The following ARFGAP3 variants were observed in gnomAD, a reference collection of about 807,000 sequenced individuals.
ARFGAP3 encodes the protein ARF GTPase activating protein 3, also known as ADP-ribosylation factor GTPase-activating protein 3.
A neutral mutation model predicts 75.0 loss-of-function variants in ARFGAP3; 72 were observed. That is an observed-to-expected ratio of 0.96 (90% CI 0.79 to 1.17). ARFGAP3 has a LOEUF of 1.17. ARFGAP3 is among the 50% of genes most tolerant of loss of function. ARFGAP3 has a pLI of 0.00. For missense variants in ARFGAP3, 620 were observed against 626.6 expected (o/e 0.99, Z 0.11); for synonymous variants, 221 against 217.9 (o/e 1.01, Z -0.13).
At chr22:42,816,554 G>A (rs1186702559) in intron 11 of ARFGAP3, among the ~76,000 whole-genome samples, 1 of 152,144 alleles carries the variant, frequency 6.6e-6, no homozygotes, top group African/African-American at 2.4e-5. Flanking sequence ...GCTCTGGCAG[G>A]CCACTTGACC....
At position 42,823,707 on chromosome 22, in the gene ARFGAP3, CA is replaced by C. The variant is rs751223931; in HGVS notation, c.626-6del. ...TTTTTATGATAGAGGATACCTCTGC[CA>C]AAAAATAAAAATTAAAAAGTAAGAC... On this transcript the variant is annotated splice_region_variant and splice_polypyrimidine_tract_variant and intron_variant, in intron 7 of 15. Transcript: ENST00000263245. 29 of 1,555,178 alleles carry C rather than the reference CA, an allele frequency of 1.9e-5. No homozygotes were observed. The highest frequency in any genetic ancestry group is 3.9e-5 in the Admixed American group (2 of 51,720).
rs1250785877 is a variant in ARFGAP3, at chr22:42,826,792, C to A, written c.625+148G>T. 5 of 554,238 alleles carry A rather than the reference C, an allele frequency of 9.0e-6. No homozygotes were observed. The East Asian group carries it at 1.5e-4, about 17-fold the overall frequency. 34.3% of individuals were successfully genotyped at this position (554,238 alleles called of 1,614,324 possible). On this transcript the variant is annotated intron_variant, in intron 7 of 15. Transcript: ENST00000263245. Reference sequence around the variant, plus strand: ...AATAAAAAACATATATATATAGTATCTTTTGTTTAATAAAATCTTATTAAC... The same window carrying A: ...AATAAAAAACATATATATATAGTATATTTTGTTTAATAAAATCTTATTAAC...
intron 8 of ARFGAP3, 96 bp from the exon 9 acceptor site, chr22:42,822,505 G>A: frequency 7.0e-7 from 1 of 1,435,956 alleles, no homozygotes. Flanking sequence ...GCCAGGCACT[G>A]TGACAAGCAC....
At chr22:42,797,665 G>A (rs910943783) in intron 15 of ARFGAP3, 60 bp from the exon 16 acceptor site, 22 of 1,613,642 alleles carry the variant, frequency 1.4e-5, no homozygotes, top group Non-Finnish European at 1.8e-5. Context: ...TGACTCCCAC[G>A]CCCTGAATAT....
chr22:42,837,042 C>T (rs5751382), intron 3 of ARFGAP3, among the ~76,000 whole-genome samples: 2 of 152,208 alleles, frequency 1.3e-5, no homozygotes, highest in Non-Finnish European at 2.9e-5. Flanking sequence ...AAGCTCCTTT[C>T]TGGAGTTTGG....
chr22:42,826,823 C>T (rs956566367), intron 7 of ARFGAP3, 117 bp downstream of exon 7: 5 of 657,548 alleles, frequency 7.6e-6, no homozygotes, highest in East Asian at 2.9e-5. Flanking sequence ...TTAACAGATT[C>T]GGTCATGATT....
At chr22:42,802,372 G>T (rs1336894227) in intron 14 of ARFGAP3, among the ~76,000 whole-genome samples, 1 of 147,392 alleles carries the variant, frequency 6.8e-6, no homozygotes, top group Non-Finnish European at 1.5e-5. Context: ...TGCAAGCTCC[G>T]CCTCCCAGGT....
chr22:42,840,059 T>C (rs559629304), intron 3 of ARFGAP3, among the ~76,000 whole-genome samples: 1 of 152,070 alleles, frequency 6.6e-6, no homozygotes, highest in South Asian at 2.1e-4. Flanking sequence ...GCCTCCCGAG[T>C]AGCTGGGACT....
chr22:42,834,226 G>A lies in ARFGAP3; in HGVS notation c.477+16C>T, dbSNP rs200243739. ...GAGTAAGCACACTTTAAAATGATGT[G>A]AAGCATAATACATACCTCAGGAGAA... is the stretch of plus-strand genomic sequence containing the variant. On this transcript the variant is annotated intron_variant, in intron 5 of 15. Coordinates refer to ENST00000263245, the MANE Select transcript of ARFGAP3 (RefSeq NM_014570.5). The A allele has an allele frequency of 7.0e-4, 1,127 of 1,607,882 alleles. 2 individuals are homozygous for A. Among genetic ancestry groups the A allele is most frequent in the Non-Finnish European group, 9.3e-4 (1,097 of 1,177,256 alleles).
At chr22:42,857,089 G>A in intron 1 of ARFGAP3, 25 bp downstream of exon 1, 1 of 1,501,380 alleles carries the variant, frequency 6.7e-7, no homozygotes, top group Non-Finnish European at 8.9e-7. Context: ...TGCCAGGCAG[G>A]CCCGCACTCG....
chr22:42,818,581 A>G (rs924885582), intron 9 of ARFGAP3, among the ~76,000 whole-genome samples: 2 of 152,178 alleles, frequency 1.3e-5, no homozygotes, highest in Non-Finnish European at 2.9e-5. Flanking sequence ...TTAATTTTTC[A>G]TAAAGAAAAC....
At chr22:42,802,306 G>A (rs1457800181) in intron 14 of ARFGAP3, among the ~76,000 whole-genome samples, 1 of 150,492 alleles carries the variant, frequency 6.6e-6, no homozygotes, top group African/African-American at 2.5e-5. Flanking sequence ...TTTTTTTTGA[G>A]ACAGAGTCTC....
chr22:42,819,231 C>T (rs1431516510), intron 9 of ARFGAP3, among the ~76,000 whole-genome samples: 4 of 152,172 alleles, frequency 2.6e-5, no homozygotes, highest in African/African-American at 7.2e-5. Context: ...TCCTACAGAA[C>T]AGGTTATGGC....
Position 42,834,496 on chromosome 22 carries a change from T to C in ARFGAP3, c.394-171A>G, listed in dbSNP as rs1275729278. 3.5e-6 allele frequency: 3 copies of C among 856,686 alleles called. No homozygotes were observed. In the Admixed American group the frequency reaches 1.9e-4, roughly 53 times the overall value. The allele number at this position is 856,686 out of a possible 1,614,324, so 53.1% of individuals were successfully genotyped here. ...CCTCTGCGTGCACTTTAGTAATCTA[T>C]CATCCAGTAAATTTTGCTTCCAAAC... On this transcript the variant is annotated intron_variant, in intron 4 of 15. Coordinates refer to ENST00000263245, the MANE Select transcript of ARFGAP3 (RefSeq NM_014570.5).
chr22:42,825,133 G>A (rs1170207364), intron 7 of ARFGAP3, among the ~76,000 whole-genome samples: 2 of 152,126 alleles, frequency 1.3e-5, no homozygotes, highest in African/African-American at 4.8e-5. Context: ...GTGTGATGGC[G>A]TGCGCCTGTG....
chr22:42,823,827 T>G (rs1185850185), intron 7 of ARFGAP3, 125 bp from the exon 8 acceptor site: 3 of 1,200,118 alleles, frequency 2.5e-6, no homozygotes, highest in Non-Finnish European at 3.3e-6. Context: ...TCCACTTTAG[T>G]TTCTCATCCA....
chr22:42,815,305 T>C (rs949777484), intron 11 of ARFGAP3, among the ~76,000 whole-genome samples: 1 of 152,184 alleles, frequency 6.6e-6, no homozygotes, highest in Non-Finnish European at 1.5e-5. Context: ...GTATCACTTC[T>C]GAGTAAAGTG....
intron 3 of ARFGAP3, among the ~76,000 whole-genome samples, chr22:42,839,086 G>A (rs965756281): frequency 1.4e-5 from 2 of 145,866 alleles, no homozygotes; most frequent in East Asian, 4.0e-4. Context: ...CTCCAGCCTG[G>A]GTGACAGAGC....
chr22:42,849,732 T>C (rs1338956682), intron 1 of ARFGAP3, among the ~76,000 whole-genome samples: 1 of 151,970 alleles, frequency 6.6e-6, no homozygotes, highest in Non-Finnish European at 1.5e-5. Context: ...AGATTTTTTT[T>C]TTTCTTTTGT....
Sources: allele counts gnomAD v4.1 joint callset (sites outside exome capture counted in the v4.1 genomes callset), GRCh38; gene constraint gnomAD v4.1.1; transcripts MANE v1.5; gene names NCBI Gene and HGNC (gene_info 2026-07-23, HGNC 2026-07-21).